Variants in NDUFA5 observed in about 807,000 individuals in gnomAD.
NDUFA5 encodes NADH dehydrogenase [ubiquinone] 1 alpha subcomplex subunit 5.
NDUFA5 carries 11 observed loss-of-function variants against 19.8 expected under a neutral mutation model. That is an observed-to-expected ratio of 0.56 (90% CI 0.35 to 0.92). NDUFA5 has a LOEUF of 0.92. Among genes scored for constraint, NDUFA5 ranks in the 40% least tolerant of loss-of-function variants. The pLI, the probability that NDUFA5 is intolerant of heterozygous loss-of-function variation, is 0.01. For synonymous variants in NDUFA5, 47 were observed against 46.8 expected (o/e 1.00, Z -0.01); for missense variants, 109 against 134.2 (o/e 0.81, Z 0.93).
the NDUFA5 span, chr7:123,584,808 T>C: frequency 6.6e-6 from 1 of 151,954 alleles, no homozygotes; most frequent in African/African-American, 2.4e-5. Context: ...AGTAAAACTA[T>C]GAAACTTTCC....
chr7:123,563,850 G>A, the NDUFA5 span, among the ~76,000 whole-genome samples: 2 of 152,166 alleles, frequency 1.3e-5, no homozygotes, highest in Non-Finnish European at 2.9e-5. Context: ...GGAAGCACCA[G>A]GATTGAGATT....
rs1164165811 is a variant in NDUFA5 at position 123,539,231 on chromosome 7, G to A, written c.*2888C>T. The A allele has an allele frequency of 6.6e-6, 1 of 152,142 alleles. No individual in the cohort carries two copies. Among genetic ancestry groups the A allele is most frequent in the East Asian group, 1.9e-4 (1 of 5,198 alleles). 9.4% of individuals were successfully genotyped at this position (152,142 alleles called of 1,614,324 possible). A position where few individuals can be genotyped will look rare whatever the true frequency, so the allele number is the denominator to read the frequency against. ...TGCCCCCCTATATCTTGTTTGCCCAGGACAGTCATGGTGTACATCTGTTAT... is the reference window on the plus strand; with the variant it reads ...TGCCCCCCTATATCTTGTTTGCCCAAGACAGTCATGGTGTACATCTGTTAT... On this transcript the variant is annotated 3_prime_UTR_variant, in exon 5 of 5. Transcript: ENST00000355749.
At chr7:123,550,271 A>T (rs1798283595) in intron 3 of NDUFA5, 199 bp downstream of exon 3, 1 of 477,986 alleles carries the variant, frequency 2.1e-6, no homozygotes, top group Admixed American at 4.1e-5. Context: ...CTAGTCTCAA[A>T]CTCCAGTATG....
At chr7:123,601,483 AT>A in the NDUFA5 span, among the ~76,000 whole-genome samples, 2 of 152,184 alleles carry the variant, frequency 1.3e-5, no homozygotes, top group Non-Finnish European at 2.9e-5. Context: ...GTGTATTAAA[AT>A]ATGTCAAAAG....
the NDUFA5 span, among the ~76,000 whole-genome samples, chr7:123,573,927 G>A: frequency 6.6e-6 from 1 of 151,458 alleles, no homozygotes. Context: ...TCAAGGCAGG[G>A]GACAAAAATT....
chr7:123,577,964 A>G, the NDUFA5 span, among the ~76,000 whole-genome samples: 1 of 151,710 alleles, frequency 6.6e-6, no homozygotes, highest in Non-Finnish European at 1.5e-5. Flanking sequence ...ACATAGGTAT[A>G]CACGTGCCAT....
chr7:123,545,706 G>A, intron 3 of NDUFA5, 30 bp from the exon 4 acceptor site: 2 of 1,467,780 alleles, frequency 1.4e-6, no homozygotes, highest in African/African-American at 1.4e-5. Context: ...AAAAATTAAA[G>A]AAGCATACTA....
chr7:123,557,128 T>C (rs1045802230), intron 2 of NDUFA5: 21 of 648,642 alleles, frequency 3.2e-5, no homozygotes, highest in African/African-American at 2.9e-4. Flanking sequence ...AAATTTGAGA[T>C]GGCGCTGACA....
intron 2 of NDUFA5, among the ~76,000 whole-genome samples, chr7:123,552,399 C>T (rs1798378656): frequency 6.6e-6 from 1 of 151,958 alleles, no homozygotes; most frequent in Admixed American, 6.6e-5. Flanking sequence ...GAAAACCAAA[C>T]ATCACATGTT....
chr7:123,584,424 C>T, the NDUFA5 span, among the ~76,000 whole-genome samples: 1 of 151,844 alleles, frequency 6.6e-6, no homozygotes, highest in Non-Finnish European at 1.5e-5. Flanking sequence ...TAAAGCTCCC[C>T]AGGTGATTCC....
rs758384318 is a variant in NDUFA5, at chr7:123,539,010, T to A, written c.*3109A>T. On this transcript the variant is annotated 3_prime_UTR_variant, in exon 5 of 5. Transcript: ENST00000355749. ...AAAATATAAGCTCTCTTTTCTTCCA[T>A]CCCCCAATTCTGAGGGAAAAGGAGG... The A allele has an allele frequency of 6.6e-6, 1 of 152,002 alleles. No individual in the cohort carries two copies. The highest frequency in any genetic ancestry group is 1.5e-5 in the Non-Finnish European group (1 of 68,000). 9.4% of individuals were successfully genotyped at this position (152,002 alleles called of 1,614,324 possible). A position where few individuals can be genotyped will look rare whatever the true frequency, so the allele number is the denominator to read the frequency against.
chr7:123,583,051 T>C, the NDUFA5 span, among the ~76,000 whole-genome samples: 2 of 151,928 alleles, frequency 1.3e-5, no homozygotes, highest in African/African-American at 4.8e-5. Context: ...GTAGTGGAAT[T>C]TGGATCTTTA....
chr7:123,559,215 C>A (rs1798653113), upstream of NDUFA5, among the ~76,000 whole-genome samples: 1 of 151,384 alleles, frequency 6.6e-6, no homozygotes, highest in African/African-American at 2.4e-5. Flanking sequence ...GATAAAATGG[C>A]CAGATTCCTA....
chr7:123,584,332 A>G, the NDUFA5 span, among the ~76,000 whole-genome samples: 1 of 149,242 alleles, frequency 6.7e-6, no homozygotes, highest in Non-Finnish European at 1.5e-5. Flanking sequence ...AAAAAAAAGT[A>G]AGAGAAAAAG....
chr7:123,601,060 G>A, the NDUFA5 span, among the ~76,000 whole-genome samples: 2 of 152,152 alleles, frequency 1.3e-5, no homozygotes, highest in Non-Finnish European at 1.5e-5. Context: ...GTTTTAGTAG[G>A]GGGGTGTAGG....
At chr7:123,593,457 G>C in the NDUFA5 span, among the ~76,000 whole-genome samples, 1 of 152,166 alleles carries the variant, frequency 6.6e-6, no homozygotes, top group Non-Finnish European at 1.5e-5. Flanking sequence ...GCTCTTGTAA[G>C]GCAGGCCTGG....
chr7:123,586,320 T>C, the NDUFA5 span, among the ~76,000 whole-genome samples: 1 of 151,870 alleles, frequency 6.6e-6, no homozygotes, highest in Non-Finnish European at 1.5e-5. Context: ...TGCATTTCCC[T>C]AAGGATTAAT....
In NDUFA5 at chr7:123,550,208, T is replaced by C; in HGVS notation, c.183+262A>G. On this transcript the variant is annotated intron_variant, in intron 3 of 4. Coordinates refer to ENST00000355749, the MANE Select transcript of NDUFA5 (RefSeq NM_005000.5). ...AAAAGATCAATAAAGGACTAAATAG[T>C]GAAGAGAGGTAAAAGGAACAGCTAC... The C allele has an allele frequency of 9.3e-6, 3 of 321,850 alleles. No individual in the cohort carries two copies. In the South Asian group the frequency reaches 1.1e-4, roughly 11 times the overall value. 19.9% of individuals were successfully genotyped at this position (321,850 alleles called of 1,614,324 possible). A position where few individuals can be genotyped will look rare whatever the true frequency, so the allele number is the denominator to read the frequency against.
At chr7:123,580,541 T>C in the NDUFA5 span, among the ~76,000 whole-genome samples, 1 of 152,030 alleles carries the variant, frequency 6.6e-6, no homozygotes, top group Non-Finnish European at 1.5e-5. Flanking sequence ...TGACACCTAC[T>C]TTGCAAGAAT....
Sources: gnomAD v4.1 joint callset for allele counts (sites outside exome capture counted in the v4.1 genomes callset) on GRCh38, gnomAD v4.1.1 for gene constraint, MANE v1.5 for transcripts, NCBI Gene and HGNC (gene_info 2026-07-23, HGNC 2026-07-21) for gene names.